Variants in GBP2 observed in about 807,000 individuals in gnomAD.
GBP2 encodes the protein guanylate binding protein 2.
In GBP2, 54 loss-of-function variants were observed where a neutral mutation model predicts 60.8. That is an observed-to-expected ratio of 0.89 (90% CI 0.71 to 1.11). The LOEUF (loss-of-function observed/expected upper bound fraction) is 1.11. GBP2 is among the 50% of genes most tolerant of loss of function. The probability of loss-of-function intolerance (pLI) is 0.00; values close to 1 mark genes in which losing one functional copy is unlikely to be tolerated. For missense variants in GBP2, 665 were observed against 703.3 expected, an observed-to-expected ratio of 0.95 and a Z score of 0.62; for synonymous variants, 243 against 256.5, an observed-to-expected ratio of 0.95 and a Z score of 0.50.
chr1:89,114,349 ATTTTGTG>A, intron 6 of GBP2, 53 bp from the exon 7 acceptor site: 1 of 1,587,058 alleles, frequency 6.3e-7, no homozygotes, highest in Non-Finnish European at 8.6e-7. Context: ...GGGACAGAAT[ATTTTGTG>A]TGCTTTTCAA....
At chr1:89,108,420 T>C in intron 10 of GBP2, 129 bp from the exon 11 acceptor site, 1 of 510,306 alleles carries the variant, frequency 2.0e-6, no homozygotes, top group South Asian at 3.0e-5. Flanking sequence ...CTCCTATACC[T>C]GCCAATAATT....
intron 2 of GBP2, among the ~76,000 whole-genome samples, chr1:89,121,553 G>A (rs1557442872): frequency 6.6e-6 from 1 of 152,126 alleles, no homozygotes; most frequent in African/African-American, 2.4e-5. Context: ...TTAACATTGT[G>A]TTCCTTCCAG....
chr1:89,108,578 T>TTTG (rs772997687), intron 10 of GBP2, among the ~76,000 whole-genome samples: 1 of 152,186 alleles, frequency 6.6e-6, no homozygotes. Flanking sequence ...TCTTGTTCTT[T>TTTG]TTGTTGTTGT....
chr1:89,106,471 GAAT>G lies in GBP2; in HGVS notation c.*1701_*1703del, dbSNP rs1681055200. On this transcript the variant is annotated 3_prime_UTR_variant, in exon 11 of 11. Coordinates refer to ENST00000370466, the MANE Select transcript of GBP2 (RefSeq NM_004120.5). The stretch of plus-strand genomic sequence containing the variant: ...TGTTAAAAACTAAGAATAACTTAAA[GAAT>G]ATTAACAAAGTGCATGACATGAAAC... The G allele has an allele frequency of 6.6e-6, 1 of 152,098 alleles. No individual in the cohort carries two copies. The highest frequency in any genetic ancestry group is 2.4e-5 in the African/African-American group (1 of 41,414). The allele number at this position is 152,098 out of a possible 1,614,324, so 9.4% of individuals were successfully genotyped here.
intron 8 of GBP2, among the ~76,000 whole-genome samples, chr1:89,110,613 A>G (rs1296852516): frequency 6.6e-6 from 1 of 152,222 alleles, no homozygotes; most frequent in African/African-American, 2.4e-5. Flanking sequence ...GTAACTCAGG[A>G]ATGGAAAACC....
chr1:89,119,310 G>T (rs1681348054), intron 4 of GBP2: 1 of 152,180 alleles, frequency 6.6e-6, no homozygotes. Flanking sequence ...AAGATCAAAT[G>T]AGGTGAGAAC....
chr1:89,107,887 T>A lies in GBP2; in HGVS notation c.*288A>T, dbSNP rs2100609265. On this transcript the variant is annotated 3_prime_UTR_variant, in exon 11 of 11. Transcript: ENST00000370466. ...TATCTCATTGGAAAATGCATCCTAG[T>A]TACACAATATCTCTCTTGAGTCCTT... 7.5e-6 allele frequency: 2 copies of A among 267,454 alleles called. No individual in the cohort carries two copies. Among genetic ancestry groups the A allele is most frequent in the East Asian group, 2.3e-4 (2 of 8,568 alleles). The allele number at this position is 267,454 out of a possible 1,614,324, so 16.6% of individuals were successfully genotyped here.
intron 6 of GBP2, among the ~76,000 whole-genome samples, chr1:89,115,222 A>G (rs1681244930): frequency 6.6e-6 from 1 of 152,104 alleles, no homozygotes; most frequent in Admixed American, 6.5e-5. Flanking sequence ...TCCCTCTATC[A>G]ACAGGCCTTT....
rs1260889624 is a variant in GBP2, at chr1:89,121,784, C to T, written c.183G>A (p.Lys61=). 6.2e-7 allele frequency: 1 copy of T among 1,613,720 alleles called. No individual in the cohort carries two copies. Among genetic ancestry groups the T allele is most frequent in the South Asian group, 1.1e-5 (1 of 91,026 alleles). The change falls in exon 2 of 11, where the codon AAG becomes AAA. Residue 61 remains lysine, a synonymous_variant. Transcript: ENST00000370466. The part of the protein sequence containing the change: ...KSYLMNKLAG[K]KNGFSLGSTV... ...TTTGCTGGTGTCACTCACCGTTTTT[C>T]TTCCCAGCCAGCTTGTTCATCAGGT...
chr1:89,113,103 C>G, intron 7 of GBP2: 1 of 204,898 alleles, frequency 4.9e-6, no homozygotes, highest in Non-Finnish European at 1.0e-5. Flanking sequence ...GTCTGTGCAG[C>G]AGAGGAACAA....
At chr1:89,110,347 A>AGTG in intron 8 of GBP2, 81 bp from the exon 9 acceptor site, 2 of 996,196 alleles carry the variant, frequency 2.0e-6, no homozygotes, top group Non-Finnish European at 3.1e-6. Context: ...GTATCTACCC[A>AGTG]GAGGAAAATA....
chr1:89,111,302 C>T (rs551305984), intron 8 of GBP2, among the ~76,000 whole-genome samples: 311 of 152,006 alleles, frequency 2.0e-3, no homozygotes, highest in Non-Finnish European at 3.8e-3. Flanking sequence ...GAAATACTAG[C>T]GAGAGCAATC....
intron 9 of GBP2, 141 bp downstream of exon 9, chr1:89,110,023 G>A: frequency 1.1e-6 from 1 of 916,358 alleles, no homozygotes; most frequent in East Asian, 2.6e-5. Context: ...TGATCATACA[G>A]ATTAGTTAAG....
rs1681289629 is a variant in GBP2 at position 89,117,100 on chromosome 1, C to T, written c.760G>A (p.Glu254Lys). ...TCTATGAAATCAGGGTTCAGCTCTTCCTCCTTTAGCTGCTCTAGGTGAGCA... is the reference window on the plus strand; with the variant it reads ...TCTATGAAATCAGGGTTCAGCTCTTTCTCCTTTAGCTGCTCTAGGTGAGCA... ...YLAHLEQLKE[E>K]ELNPDFIEQV... The change falls in exon 6 of 11, where the codon GAA (glutamate) becomes AAA (lysine). Residue 254 changes from glutamate (E) to lysine (K), a missense_variant. Transcript: ENST00000370466. 6.2e-7 allele frequency: 1 copy of T among 1,614,032 alleles called. No individual in the cohort carries two copies. Among genetic ancestry groups the T allele is most frequent in the African/African-American group, 1.3e-5 (1 of 74,918 alleles).
At chr1:89,117,956 C>T (rs189303455) in intron 4 of GBP2, 183 bp from the exon 5 acceptor site, 71 of 541,416 alleles carry the variant, frequency 1.3e-4, no homozygotes, top group African/African-American at 1.2e-3. Context: ...CCAAGCACTG[C>T]CCTAGGGACT....
At chr1:89,120,922 C>T (rs1180382913) in intron 3 of GBP2, among the ~76,000 whole-genome samples, 1 of 152,118 alleles carries the variant, frequency 6.6e-6, no homozygotes, top group African/African-American at 2.4e-5. Flanking sequence ...ACATCATTAG[C>T]CATTATTTCA....
At chr1:89,113,971 G>C in intron 7 of GBP2, 45 bp downstream of exon 7, 1 of 1,601,482 alleles carries the variant, frequency 6.2e-7, no homozygotes, top group Non-Finnish European at 8.5e-7. Context: ...TCCCATGAAG[G>C]GCCCATATTT....
chr1:89,108,812 T>C (rs966677821), intron 10 of GBP2, among the ~76,000 whole-genome samples: 3 of 151,992 alleles, frequency 2.0e-5, no homozygotes, highest in African/African-American at 7.3e-5. Context: ...AACGTAAATG[T>C]GGAAAAGAGC....
chr1:89,114,082 C>A lies in GBP2; in HGVS notation c.1083G>T (p.Glu361Asp), dbSNP rs779011774. Reference sequence around the variant, plus strand: ...AGTTCTTCATGAAGACTTCAATGGCCTCTCTCTCACTGTCCCTGTGCAGGT... The same window carrying A: ...AGTTCTTCATGAAGACTTCAATGGCATCTCTCTCACTGTCCCTGTGCAGGT... ...LLDLHRDSER[E>D]AIEVFMKNSF... is the part of the protein sequence containing the mutation. Residue 361 changes from glutamate (E) to aspartate (D), a missense_variant, in exon 7 of 11, where the codon GAG becomes GAT. Physicochemically the swap from Glu to Asp is conservative, Grantham distance 45. Transcript: ENST00000370466. 1.9e-6 allele frequency: 3 copies of A among 1,614,162 alleles called. No individual in the cohort carries two copies. The South Asian group carries it at 3.3e-5, about 18-fold the overall frequency.
Sources: allele counts gnomAD v4.1 joint callset (sites outside exome capture counted in the v4.1 genomes callset), GRCh38; gene constraint gnomAD v4.1.1; transcripts MANE v1.5; gene names NCBI Gene and HGNC (gene_info 2026-07-23, HGNC 2026-07-21).